Variants in WNT8B observed in about 807,000 individuals in gnomAD.
WNT8B encodes the protein Wnt family member 8B.
Under a neutral mutation model 36.6 loss-of-function variants are expected in WNT8B, and 24 were observed. The observed-to-expected ratio is 0.66, with a 90% CI of 0.48 to 0.92. The LOEUF is 0.92. WNT8B is among the 40% of genes least tolerant of loss of function. The pLI is 0.00. For missense variants in WNT8B, 402 were observed against 470.8 expected, an observed-to-expected ratio of 0.85 and a Z score of 1.35; for synonymous variants, 199 against 189.8, an observed-to-expected ratio of 1.05 and a Z score of -0.40.
rs1351063449 is a variant in WNT8B at position 100,481,000 on chromosome 10, A to T, written c.244A>T (p.Asn82Tyr). Reference sequence around the variant, plus strand: ...TCTGGATTTTTGGTTCCTGCTAGCCAATCGGGAGACAGCATTTGTGCATGC... The same window carrying T: ...TCTGGATTTTTGGTTCCTGCTAGCCTATCGGGAGACAGCATTTGTGCATGC... ...LSSHGGLRSA[N>Y]RETAFVHAIS... The change falls in exon 4 of 6, where the codon AAT (asparagine) becomes TAT (tyrosine). Residue 82 changes from asparagine to tyrosine, a missense_variant and splice_region_variant. Asn to Tyr is a moderately radical substitution (Grantham distance 143). Coordinates refer to ENST00000343737, the MANE Select transcript of WNT8B (RefSeq NM_003393.4). 1 of 1,613,978 alleles carries T rather than the reference A, an allele frequency of 6.2e-7. No homozygotes were observed. The highest frequency in any genetic ancestry group is 8.5e-7 in the Non-Finnish European group (1 of 1,179,896).
chr10:100,463,190 G>A lies in WNT8B; in HGVS notation c.22G>A (p.Val8Met). Residue 8 changes from valine (V) to methionine (M), a missense_variant, in exon 1 of 6, where the codon GTG becomes ATG. Physicochemically the swap from Val to Met is conservative, Grantham distance 21 (BLOSUM62 1). Around this residue, in one of 3 missense-constraint regions of WNT8B, gnomAD observed 131 missense variants for 152.6 expected, o/e 0.86. Transcript: ENST00000343737. MFLSKPS[V>M]YICLFTCVLQ... ...GATTATGTTTCTTTCAAAGCCTTCT[G>A]TGTACATCTGTCTTTTCACCTGTGT... The A allele has an allele frequency of 1.2e-6, 2 of 1,613,970 alleles. No individual in the cohort carries two copies. The highest frequency in any genetic ancestry group is 1.7e-6 in the Non-Finnish European group (2 of 1,179,946).
intron 1 of WNT8B, among the ~76,000 whole-genome samples, chr10:100,473,594 C>T (rs1244771092): frequency 1.3e-5 from 2 of 152,092 alleles, no homozygotes; most frequent in Non-Finnish European, 2.9e-5. Flanking sequence ...CATGTTGTAG[C>T]TTGTATCCAG....
intron 1 of WNT8B, among the ~76,000 whole-genome samples, chr10:100,464,215 C>T (rs530769996): frequency 1.3e-5 from 2 of 152,206 alleles, no homozygotes; most frequent in East Asian, 3.9e-4. Flanking sequence ...ATGAGTGTAG[C>T]CGTCTTTATA....
Position 100,481,872 on chromosome 10 carries a change from C to T in WNT8B, c.368-40C>T, listed in dbSNP as rs765888584. 27 of 1,612,026 alleles carry T rather than the reference C, an allele frequency of 1.7e-5. No homozygotes were observed. The African/African-American group carries it at 2.7e-4, about 16-fold the overall frequency. On this transcript the variant is annotated intron_variant, in intron 4 of 5. Transcript: ENST00000343737. ...ACAGCAGCCCAGGAGGCTCTGCGCC[C>T]GCTTGCTCAATGACCTGTCCTCCCT...
chr10:100,477,261 G>A (rs1262957628), intron 1 of WNT8B, among the ~76,000 whole-genome samples: 1 of 151,902 alleles, frequency 6.6e-6, no homozygotes, highest in African/African-American at 2.4e-5. Context: ...TCCATGGTAT[G>A]AATGTACCAC....
intron 3 of WNT8B, among the ~76,000 whole-genome samples, chr10:100,480,623 A>C (rs1415203330): frequency 2.6e-5 from 4 of 152,162 alleles, no homozygotes; most frequent in Non-Finnish European, 5.9e-5. Context: ...CCACTTGGTC[A>C]TAAAATGTGT....
At chr10:100,473,163 G>C (rs1415248531) in intron 1 of WNT8B, among the ~76,000 whole-genome samples, 1 of 152,198 alleles carries the variant, frequency 6.6e-6, no homozygotes, top group East Asian at 1.9e-4. Flanking sequence ...AGAGGAAAGG[G>C]AAACCTTCAT....
intron 1 of WNT8B, among the ~76,000 whole-genome samples, chr10:100,475,066 C>A (rs1042878494): frequency 6.6e-6 from 1 of 151,552 alleles, no homozygotes; most frequent in Non-Finnish European, 1.5e-5. Context: ...CATGGTGAAA[C>A]CCCATCTCTA....
chr10:100,481,692 T>A (rs1589726329), intron 4 of WNT8B, among the ~76,000 whole-genome samples: 1 of 152,138 alleles, frequency 6.6e-6, no homozygotes, highest in East Asian at 1.9e-4. Flanking sequence ...ACTACTTACG[T>A]CGTTGAGCCC....
rs916948529 is a variant in WNT8B, at chr10:100,483,038, C to T, written c.*222C>T. On this transcript the variant is annotated 3_prime_UTR_variant, in exon 6 of 6. Transcript: ENST00000343737. The stretch of plus-strand genomic sequence containing the variant: ...TGAATCCTCGCAGCCACACCTAGGT[C>T]TGAGAACTCAGGCTTTGAGTTACTG... 34 of 502,298 alleles carry T rather than the reference C, an allele frequency of 6.8e-5. 1 individual carries two copies. The highest frequency in any genetic ancestry group is 3.9e-5 in the Admixed American group (1 of 25,746). The allele number at this position is 502,298 out of a possible 1,614,324, so 31.1% of individuals were successfully genotyped here. A position where few individuals can be genotyped will look rare whatever the true frequency, so the allele number is the denominator to read the frequency against.
Position 100,481,085 on chromosome 10 carries a change from A to G in WNT8B, c.329A>G (p.Asp110Gly). 1 of 1,614,176 alleles carries G rather than the reference A, an allele frequency of 6.2e-7. No individual in the cohort carries two copies. Among genetic ancestry groups the G allele is most frequent in the Non-Finnish European group, 8.5e-7 (1 of 1,180,016 alleles). The change falls in exon 4 of 6, where the codon GAT becomes GGT. Residue 110 changes from aspartate (D) to glycine (G), a missense_variant. Asp to Gly is a moderately conservative substitution (Grantham distance 94). Around this residue, in one of 3 missense-constraint regions of WNT8B, gnomAD observed 131 missense variants for 152.6 expected, o/e 0.86. Transcript: ENST00000343737. Reference protein sequence around the residue: ...LTRNCSLGDFDNCGCDDSRNG... With the variant: ...LTRNCSLGDFGNCGCDDSRNG... ...AGAAACTGCAGCCTTGGAGATTTTG[A>G]TAACTGTGGCTGTGATGACTCCCGC...
At chr10:100,469,676 A>AGTGT (rs1850952580) in intron 1 of WNT8B, among the ~76,000 whole-genome samples, 1 of 152,264 alleles carries the variant, frequency 6.6e-6, no homozygotes, top group Non-Finnish European at 1.5e-5. Flanking sequence ...CACAGTTATT[A>AGTGT]GTAAGACCTA....
chr10:100,466,465 C>T (rs1850908137), intron 1 of WNT8B, among the ~76,000 whole-genome samples: 1 of 152,064 alleles, frequency 6.6e-6, no homozygotes. Flanking sequence ...TTTCTCTTGT[C>T]ATGAAAGACA....
chr10:100,477,092 T>C (rs1851047235), intron 1 of WNT8B, among the ~76,000 whole-genome samples: 1 of 152,208 alleles, frequency 6.6e-6, no homozygotes, highest in Non-Finnish European at 1.5e-5. Flanking sequence ...TCCAGCTCTA[T>C]AATTATATAA....
At chr10:100,465,418 A>G (rs536935607) in intron 1 of WNT8B, among the ~76,000 whole-genome samples, 10 of 152,242 alleles carry the variant, frequency 6.6e-5, no homozygotes, top group African/African-American at 2.4e-4. Flanking sequence ...GAGATGAACC[A>G]ATTTGATTTT....
chr10:100,482,743 T>A lies in WNT8B; in HGVS notation c.983T>A (p.Val328Asp). 1 of 1,603,808 alleles carries A rather than the reference T, an allele frequency of 6.2e-7. No individual in the cohort carries two copies. The highest frequency in any genetic ancestry group is 8.5e-7 in the Non-Finnish European group (1 of 1,175,574). Reference protein sequence around the residue: ...AVRCEQCRRRVTKYFCSRAER... With the variant: ...AVRCEQCRRRDTKYFCSRAER... Reference sequence around the variant, plus strand: ...CGCTGCGAGCAGTGCCGCCGGAGGGTCACCAAGTACTTCTGTAGCCGCGCA... The same window carrying A: ...CGCTGCGAGCAGTGCCGCCGGAGGGACACCAAGTACTTCTGTAGCCGCGCA... The change falls in exon 6 of 6, where the codon GTC (valine) becomes GAC (aspartate). Residue 328 changes from valine to aspartate, a missense_variant. Val to Asp is a radical substitution (Grantham distance 152, BLOSUM62 -3). Transcript: ENST00000343737. The surrounding 1 kb of genome is among the most constrained non-coding windows in gnomAD (Gnocchi z 6.6).
At chr10:100,477,783 T>A (rs1026197329) in intron 1 of WNT8B, among the ~76,000 whole-genome samples, 1 of 151,662 alleles carries the variant, frequency 6.6e-6, no homozygotes, top group Non-Finnish European at 1.5e-5. Flanking sequence ...AGTTTTTTTT[T>A]GTTTTTTTTT....
At chr10:100,476,107 C>G (rs1279370345) in intron 1 of WNT8B, among the ~76,000 whole-genome samples, 1 of 147,492 alleles carries the variant, frequency 6.8e-6, no homozygotes, top group Non-Finnish European at 1.5e-5. Context: ...CTGGCAAACA[C>G]AGTGAAACCC....
chr10:100,483,566 G>A lies in WNT8B; in HGVS notation c.*750G>A, dbSNP rs761811082. ...CATACCCCGAAGGTCTAGGAAATAC[G>A]TTAAGGGCAGATTACAGTCATTTCC... On this transcript the variant is annotated 3_prime_UTR_variant, in exon 6 of 6. Coordinates refer to ENST00000343737, the MANE Select transcript of WNT8B (RefSeq NM_003393.4). 5 of 152,196 alleles carry A rather than the reference G, an allele frequency of 3.3e-5. No individual in the cohort carries two copies. The highest frequency in any genetic ancestry group is 2.0e-4 in the Admixed American group (3 of 15,288). The allele number at this position is 152,196 out of a possible 1,614,324, so 9.4% of individuals were successfully genotyped here.
Sources: gnomAD v4.1 joint callset for allele counts (sites outside exome capture counted in the v4.1 genomes callset) on GRCh38, gnomAD v4.1.1 for gene constraint, gnomAD v4.1.1 regional missense constraint, Gnocchi (gnomAD v3.1) non-coding constraint, MANE v1.5 for transcripts, NCBI Gene and HGNC (gene_info 2026-07-23, HGNC 2026-07-21) for gene names.